The following TCF20 variants were observed in gnomAD, a reference collection of about 807,000 sequenced individuals.
TCF20 encodes the protein transcription factor 20.
Under a neutral mutation model 148.6 loss-of-function variants are expected in TCF20, and 3 were observed. The observed-to-expected ratio is 0.02, with a 90% confidence interval of 0.01 to 0.05. The LOEUF (loss-of-function observed/expected upper bound fraction) is 0.05. Ranked by LOEUF, TCF20 falls within the 10% of genes least tolerant of loss-of-function variation. TCF20 has a pLI of 1.00. For missense variants in TCF20, 2,350 were observed against 2,429.3 expected (o/e 0.97, Z 0.69); for synonymous variants, 1,049 against 909.5 (o/e 1.15, Z -2.76).
chr22:42,249,149 G>T (rs1255226608), intron 1 of TCF20, among the ~76,000 whole-genome samples: 1 of 152,188 alleles, frequency 6.6e-6, no homozygotes, highest in Non-Finnish European at 1.5e-5. Context: ...TGGACTCCAG[G>T]ACTTAACCAG....
intron 1 of TCF20, among the ~76,000 whole-genome samples, chr22:42,331,175 G>A (rs528719530): frequency 3.3e-5 from 5 of 152,336 alleles, no homozygotes; most frequent in East Asian, 3.9e-4. Context: ...CGGCAGCGCC[G>A]CGGAGCGCGA....
At chr22:42,313,191 G>A (rs944557439) in intron 1 of TCF20, among the ~76,000 whole-genome samples, 1 of 152,224 alleles carries the variant, frequency 6.6e-6, no homozygotes, top group Non-Finnish European at 1.5e-5. Context: ...CTGGCACTCA[G>A]TAGGCCTGCA....
Position 42,213,240 on chromosome 22 carries a change from C to A in TCF20, c.2066G>T (p.Gly689Val). 2 of 1,614,130 alleles carry A rather than the reference C, an allele frequency of 1.2e-6. No individual in the cohort carries two copies. The highest frequency in any genetic ancestry group is 1.7e-6 in the Non-Finnish European group (2 of 1,180,022). The change falls in exon 2 of 6, where the codon GGC (glycine) becomes GTC (valine). Residue 689 changes from glycine to valine, a missense_variant. Around this residue, in one of 7 missense-constraint regions of TCF20, gnomAD observed 1,641 missense variants for 1,662.6 expected, o/e 0.99. Coordinates refer to ENST00000677622, the MANE Select transcript of TCF20 (RefSeq NM_001378418.1). ...GNGQSGHSAA[G>V]PGFTSRTEPS... is the part of the protein sequence containing the mutation. ...CTCAGTTCTGCTCGTAAAACCAGGG[C>A]CCGCTGCAGAGTGGCCACTCTGGCC...
chr22:42,200,869 G>C (rs1258735436), intron 2 of TCF20, among the ~76,000 whole-genome samples: 1 of 152,164 alleles, frequency 6.6e-6, no homozygotes, highest in African/African-American at 2.4e-5. Context: ...TACACGCTTA[G>C]AAATCACTAA....
Position 42,254,959 on chromosome 22 carries a change from C to CAAAAAAAAAAAAAAAA in TCF20, c.-37+15364_-37+15379dup, listed in dbSNP as rs10625678. Reference sequence around the variant, plus strand: ...TGGGTGACACAGCAAGACTCCGTCTCAAAAAAAAAAAAAAAAAAAAGGTAG... The same window carrying CAAAAAAAAAAAAAAAA: ...TGGGTGACACAGCAAGACTCCGTCTCAAAAAAAAAAAAAAAAAAAAAAAAAAAAAAAAAAAAGGTAG... On this transcript the variant is annotated intron_variant, in intron 1 of 5. Transcript: ENST00000677622. Among the ~76,000 whole-genome samples, 259 of 62,802 alleles carry CAAAAAAAAAAAAAAAA rather than the reference C, an allele frequency of 4.1e-3. 32 individuals carry two copies. Among genetic ancestry groups the CAAAAAAAAAAAAAAAA allele is most frequent in the African/African-American group, 0.023 (242 of 10,448 alleles). 41.2% of individuals were successfully genotyped at this position (62,802 alleles called of 152,430 possible). A position where few individuals can be genotyped will look rare whatever the true frequency, so the allele number is the denominator to read the frequency against.
rs1178206766 is a variant in TCF20, at chr22:42,270,461, G to A, written c.-159C>T. Among the ~76,000 whole-genome samples the A allele has an allele frequency of 3.5e-5, 5 of 144,274 alleles. No individual in the cohort carries two copies. Among genetic ancestry groups the A allele is most frequent in the Admixed American group, 3.4e-4 (5 of 14,670 alleles). 94.6% of individuals were successfully genotyped at this position (144,274 alleles called of 152,430 possible). A position where few individuals can be genotyped will look rare whatever the true frequency, so the allele number is the denominator to read the frequency against. On this transcript the variant is annotated 5_prime_UTR_variant, in exon 1 of 6. Transcript: ENST00000677622. ...GGGTGGCTCCGCCGCCTCCAGCTCGGGCGCCCGGGCCGGCGGCGGGGCGGG... is the reference window on the plus strand; with the variant it reads ...GGGTGGCTCCGCCGCCTCCAGCTCGAGCGCCCGGGCCGGCGGCGGGGCGGG...
intron 1 of TCF20, among the ~76,000 whole-genome samples, chr22:42,248,924 G>C (rs1925137419): frequency 6.6e-6 from 1 of 152,220 alleles, no homozygotes; most frequent in Non-Finnish European, 1.5e-5. Flanking sequence ...GGAACACCTA[G>C]AAACCTGGTA....
upstream of TCF20, among the ~76,000 whole-genome samples, chr22:42,288,618 C>T (rs1269264700): frequency 2.8e-5 from 4 of 144,042 alleles, no homozygotes; most frequent in Non-Finnish European, 4.5e-5. Context: ...ATGGGAGAAT[C>T]ACTTGAACCT....
intron 1 of TCF20, among the ~76,000 whole-genome samples, chr22:42,226,200 T>C (rs1455986954): frequency 6.6e-6 from 1 of 151,818 alleles, no homozygotes; most frequent in Non-Finnish European, 1.5e-5. Flanking sequence ...AGGAGAAGGG[T>C]GGGAGCAGGA....
At chr22:42,179,578 C>T (rs777376806) in intron 3 of TCF20, 31 bp downstream of exon 3, 3 of 1,489,194 alleles carry the variant, frequency 2.0e-6, no homozygotes, top group Admixed American at 3.4e-5. Context: ...CCTTTGGATG[C>T]TCTGGACAAG....
chr22:42,210,625 G>C lies in TCF20; in HGVS notation c.4681C>G (p.Pro1561Ala), dbSNP rs780455998. ...CCTTCTGGTATCTGTGGGGGCTGAG[G>C]GGGTGGAGGCGGTGGCTGCTGCTGT... Reference protein sequence around the residue: ...KKQQQPPPPPPQPPQIPEGSA... With the variant: ...KKQQQPPPPPAQPPQIPEGSA... The change falls in exon 2 of 6, where the codon CCT becomes GCT. Residue 1561 changes from proline to alanine, a missense_variant. By Grantham distance (27) the Pro-to-Ala change is conservative. Coordinates refer to ENST00000677622, the MANE Select transcript of TCF20 (RefSeq NM_001378418.1). This position sits in a 1 kb window ranked among gnomAD's most constrained non-coding sequence, Gnocchi z 4.7. The C allele has an allele frequency of 4.3e-5, 70 of 1,614,040 alleles. No homozygotes were observed. Among genetic ancestry groups the C allele is most frequent in the Non-Finnish European group, 5.4e-5 (64 of 1,180,036 alleles).
At chr22:42,190,537 T>C (rs2147127250) in intron 2 of TCF20, among the ~76,000 whole-genome samples, 2 of 152,266 alleles carry the variant, frequency 1.3e-5, no homozygotes, top group Middle Eastern at 6.8e-3. Flanking sequence ...TGTTACTCTC[T>C]AGTCCCATGT....
intron 2 of TCF20, among the ~76,000 whole-genome samples, chr22:42,185,342 C>T (rs1299732248): frequency 6.6e-6 from 1 of 152,096 alleles, no homozygotes; most frequent in Non-Finnish European, 1.5e-5. Context: ...GTTCTTGCAC[C>T]CCCCAAGGAC....
At chr22:42,265,200 G>A (rs1197115721) in intron 1 of TCF20, among the ~76,000 whole-genome samples, 1 of 152,218 alleles carries the variant, frequency 6.6e-6, no homozygotes, top group Non-Finnish European at 1.5e-5. Flanking sequence ...CATGTACCAA[G>A]GGTATTACAG....
chr22:42,215,578 C>T (rs1241055657), intron 1 of TCF20: 8 of 469,618 alleles, frequency 1.7e-5, no homozygotes, highest in African/African-American at 1.0e-4. Context: ...TCAAGCAATT[C>T]TCTTGCCTCA....
Position 42,214,524 on chromosome 22 carries a change from T to C in TCF20, c.782A>G (p.Asp261Gly), listed in dbSNP as rs377534294. The C allele has an allele frequency of 1.2e-6, 2 of 1,614,152 alleles. No homozygotes were observed. The highest frequency in any genetic ancestry group is 1.7e-6 in the Non-Finnish European group (2 of 1,180,040). The change falls in exon 2 of 6, where the codon GAT becomes GGT. Residue 261 changes from aspartate (D) to glycine (G), a missense_variant. Coordinates refer to ENST00000677622, the MANE Select transcript of TCF20 (RefSeq NM_001378418.1). ...TCCAGCATTCACATTGTAACTGCCATCATAGCTCTGTCCAGACTGGCTAAA... is the reference window on the plus strand; with the variant it reads ...TCCAGCATTCACATTGTAACTGCCACCATAGCTCTGTCCAGACTGGCTAAA... ...QRFSQSGQSY[D>G]GSYNVNAGSQ...
intron 1 of TCF20, among the ~76,000 whole-genome samples, chr22:42,324,442 C>G (rs1927832551): frequency 6.6e-6 from 1 of 152,002 alleles, no homozygotes; most frequent in Middle Eastern, 3.4e-3. Flanking sequence ...TAATCTCCAC[C>G]ATCTGAGAAA....
At chr22:42,326,230 T>C (rs1927872993) in intron 1 of TCF20, among the ~76,000 whole-genome samples, 1 of 152,144 alleles carries the variant, frequency 6.6e-6, no homozygotes, top group Non-Finnish European at 1.5e-5. Flanking sequence ...TGCTCCCAAG[T>C]GCCCGTGAGA....
rs1927253351 is a variant in TCF20 at position 42,297,267 on chromosome 22, A to C, written c.-37+46212T>G. 6.6e-6 allele frequency among the ~76,000 whole-genome samples: 1 copy of C among 152,226 alleles called. No individual in the cohort carries two copies. Among genetic ancestry groups the C allele is most frequent in the East Asian group, 1.9e-4 (1 of 5,194 alleles). ...AACTGACCAGGGGGCTGAAAAAAGA[A>C]AAACAGGTGAGGAGCTACTTCCTGT... On this transcript the variant is annotated intron_variant, in intron 1 of 1. Transcript: ENST00000515426. The surrounding 1 kb of genome is among the most constrained non-coding windows in gnomAD (Gnocchi z 4.3).
Sources: gnomAD v4.1 joint callset for allele counts (sites outside exome capture counted in the v4.1 genomes callset) on GRCh38, gnomAD v4.1.1 for gene constraint, gnomAD v4.1.1 regional missense constraint, Gnocchi (gnomAD v3.1) non-coding constraint, MANE v1.5 for transcripts, NCBI Gene and HGNC (gene_info 2026-07-23, HGNC 2026-07-21) for gene names.